Variants in MCF2L2 observed in about 807,000 individuals in gnomAD.
MCF2L2 encodes MCF.2 cell line derived transforming sequence-like 2, also known as probable guanine nucleotide exchange factor MCF2L2.
MCF2L2 carries 102 observed loss-of-function variants against 150.2 expected under a neutral mutation model. The ratio of observed to expected loss-of-function variants is 0.68; its 90% CI spans 0.58 to 0.80. The LOEUF (loss-of-function observed/expected upper bound fraction) is 0.80, where lower values mean the gene tolerates loss of function less well. MCF2L2 is among the 30% of genes least tolerant of loss of function. The probability of loss-of-function intolerance (pLI) is 0.00; values close to 1 mark genes in which losing one functional copy is unlikely to be tolerated. For synonymous variants in MCF2L2, 465 were observed against 491.3 expected, an observed-to-expected ratio of 0.95 and a Z score of 0.71; for missense variants, 1,256 against 1,372.8, an observed-to-expected ratio of 0.91 and a Z score of 1.34.
At chr3:183,303,910 G>C (rs1036949275) in intron 10 of MCF2L2, among the ~76,000 whole-genome samples, 4 of 152,236 alleles carry the variant, frequency 2.6e-5, no homozygotes, top group Admixed American at 1.3e-4. Flanking sequence ...GGGTGTGCCT[G>C]ACTTACCAAG....
chr3:183,298,081 G>A (rs776929974), intron 11 of MCF2L2: 11 of 152,314 alleles, frequency 7.2e-5, no homozygotes, highest in Middle Eastern at 3.4e-3. Context: ...TCTTTCGTAA[G>A]GAAGCAAGAA....
intron 5 of MCF2L2, among the ~76,000 whole-genome samples, chr3:183,327,623 C>A (rs74391163): frequency 1.3e-5 from 2 of 152,178 alleles, no homozygotes; most frequent in African/African-American, 4.8e-5. Context: ...TGAATAAGCA[C>A]GTAGTTTACT....
chr3:183,280,121 ACCT>A (rs1015568240), intron 14 of MCF2L2, among the ~76,000 whole-genome samples: 2 of 150,706 alleles, frequency 1.3e-5, no homozygotes, highest in African/African-American at 4.9e-5. Context: ...CACCCCACAA[ACCT>A]CCACCTCCCC....
Position 183,338,892 on chromosome 3 carries a change from T to C in MCF2L2, c.394A>G (p.Ile132Val). ...AAGCGAGATGGACGAAGGATGAATA[T>C]GAGCTGTAAGTTTCCTGGAAATGCC... ...AVAFPGNLQL[I>V]FILRPSRFIQ... is the part of the protein sequence containing the mutation. The change falls in exon 5 of 30, where the codon ATA (isoleucine) becomes GTA (valine). Residue 132 changes from isoleucine to valine, a missense_variant. By Grantham distance (29) the Ile-to-Val change is conservative (BLOSUM62 3). Coordinates refer to ENST00000328913, the MANE Select transcript of MCF2L2 (RefSeq NM_015078.4). The C allele has an allele frequency of 6.2e-7, 1 of 1,604,416 alleles. No individual in the cohort carries two copies. The highest frequency in any genetic ancestry group is 8.5e-7 in the Non-Finnish European group (1 of 1,172,956).
chr3:183,270,589 T>G lies in MCF2L2; in HGVS notation c.1862+6283A>C. On this transcript the variant is annotated intron_variant, in intron 15 of 29. Coordinates refer to ENST00000328913, the MANE Select transcript of MCF2L2 (RefSeq NM_015078.4). This position sits in a 1 kb window ranked among gnomAD's most constrained non-coding sequence, Gnocchi z 4.5. ...GCTGCCTATGTAATCTCCGGTGATG[T>G]AGCTGCCAAAGTCTATGAGGCATCA... 1 of 1,614,198 alleles carries G rather than the reference T, an allele frequency of 6.2e-7. No individual in the cohort carries two copies. Among genetic ancestry groups the G allele is most frequent in the Non-Finnish European group, 8.5e-7 (1 of 1,180,034 alleles).
At chr3:183,343,633 T>G (rs1284588517) in intron 3 of MCF2L2, among the ~76,000 whole-genome samples, 4 of 152,082 alleles carry the variant, frequency 2.6e-5, no homozygotes, top group Admixed American at 2.6e-4. Context: ...ATCCCCAAAG[T>G]GCAGGGATTA....
chr3:183,342,043 T>A (rs1442965790), intron 3 of MCF2L2, among the ~76,000 whole-genome samples: 1 of 152,150 alleles, frequency 6.6e-6, no homozygotes, highest in Non-Finnish European at 1.5e-5. Flanking sequence ...TCTAGAGCAG[T>A]CTGAGAGGGA....
chr3:183,380,119 C>G (rs1198223844), intron 2 of MCF2L2, among the ~76,000 whole-genome samples: 2 of 152,028 alleles, frequency 1.3e-5, no homozygotes, highest in Non-Finnish European at 2.9e-5. Context: ...TTAAGATATC[C>G]CTGTGAAAGT....
At chr3:183,393,527 G>C (rs968062823) in intron 1 of MCF2L2, among the ~76,000 whole-genome samples, 16 of 152,262 alleles carry the variant, frequency 1.1e-4, no homozygotes, top group African/African-American at 3.9e-4. Context: ...ACAAGGCAAA[G>C]GGAAGTGATA....
intron 15 of MCF2L2, among the ~76,000 whole-genome samples, chr3:183,257,169 T>G (rs1258570091): frequency 6.6e-6 from 1 of 152,228 alleles, no homozygotes; most frequent in Non-Finnish European, 1.5e-5. Flanking sequence ...GGACTGACAT[T>G]GTCAACAAGT....
intron 6 of MCF2L2, among the ~76,000 whole-genome samples, chr3:183,320,549 C>A (rs1560020180): frequency 2.6e-5 from 4 of 152,202 alleles, no homozygotes. Flanking sequence ...TCTTCTGCAG[C>A]TTCTTCATCT....
chr3:183,193,236 T>C, intron 26 of MCF2L2, 140 bp from the exon 27 acceptor site: 1 of 671,784 alleles, frequency 1.5e-6, no homozygotes, highest in Non-Finnish European at 2.7e-6. Flanking sequence ...CCCTCACCTG[T>C]AGTTGAAGAC....
At chr3:183,290,636 C>T (rs540219900) in intron 13 of MCF2L2, among the ~76,000 whole-genome samples, 2 of 151,984 alleles carry the variant, frequency 1.3e-5, no homozygotes, top group Admixed American at 6.6e-5. Context: ...CAGGTTCAAG[C>T]GATTCTTCTG....
At chr3:183,410,802 G>A (rs560332406) in intron 1 of MCF2L2, among the ~76,000 whole-genome samples, 3 of 152,304 alleles carry the variant, frequency 2.0e-5, no homozygotes, top group African/African-American at 7.2e-5. Context: ...TCTTCCCCAA[G>A]GACTTCTACC....
chr3:183,389,651 A>AC lies in MCF2L2; in HGVS notation c.160+44dup, dbSNP rs373935373. On this transcript the variant is annotated intron_variant, in intron 2 of 29. Transcript: ENST00000328913. ...CAAGAGGCTGGACCTTCCCATCAAGACCCCCCCATCAAAATCTGGAAATGC... is the reference window on the plus strand; with the variant it reads ...CAAGAGGCTGGACCTTCCCATCAAGACCCCCCCCATCAAAATCTGGAAATGC... The AC allele has an allele frequency of 2.8e-5, 43 of 1,510,256 alleles. No homozygotes were observed. In the East Asian group the frequency reaches 3.8e-4, roughly 13 times the overall value. The allele number at this position is 1,510,256 out of a possible 1,614,324, so 93.6% of individuals were successfully genotyped here. A position where few individuals can be genotyped will look rare whatever the true frequency, so the allele number is the denominator to read the frequency against.
chr3:183,370,128 G>A lies in MCF2L2; in HGVS notation c.275+9169C>T, dbSNP rs537346224. 2.0e-3 allele frequency among the ~76,000 whole-genome samples: 303 copies of A among 152,328 alleles called. 4 individuals carry two copies. Among genetic ancestry groups the A allele is most frequent in the Non-Finnish European group, 3.2e-3 (220 of 68,034 alleles). ...CCCGGTGAAACCCCCTCTCCAAGCCGAAGATAGTTTAAAGCCTGAAAGCCA... is the reference window on the plus strand; with the variant it reads ...CCCGGTGAAACCCCCTCTCCAAGCCAAAGATAGTTTAAAGCCTGAAAGCCA... On this transcript the variant is annotated intron_variant, in intron 3 of 29. Transcript: ENST00000328913.
rs759702593 is a variant in MCF2L2, at chr3:183,216,028, C to T, written c.2437G>A (p.Glu813Lys). ...TELQQALAVI[E>K]DLIKSCELAV... ...AACTCACAGGACTTGATCAAATCCT[C>T]TATCACTGCCAAAGCTTGTTGTAGT... Residue 813 changes from glutamate (E) to lysine (K), a missense_variant, in exon 22 of 30, where the codon GAG becomes AAG. Glu to Lys is a moderately conservative substitution (Grantham distance 56). Coordinates refer to ENST00000328913, the MANE Select transcript of MCF2L2 (RefSeq NM_015078.4). 6.2e-6 allele frequency: 10 copies of T among 1,613,978 alleles called. No individual in the cohort carries two copies. The African/African-American group carries it at 1.3e-4, about 22-fold the overall frequency.
chr3:183,379,332 G>C lies in MCF2L2; in HGVS notation c.240C>G (p.Phe80Leu). Residue 80 changes from phenylalanine (F) to leucine (L), a missense_variant, in exon 3 of 30, where the codon TTC becomes TTG. By Grantham distance (22) the Phe-to-Leu change is conservative. Coordinates refer to ENST00000328913, the MANE Select transcript of MCF2L2 (RefSeq NM_015078.4). ...TAGTCAGGTAGGTCATGACATTCAGGAAGTCTTCATCTGGGATGTGTTTGA... is the reference window on the plus strand; with the variant it reads ...TAGTCAGGTAGGTCATGACATTCAGCAAGTCTTCATCTGGGATGTGTTTGA... ...SGFKHIPDED[F>L]LNVMTYLTSI... is the part of the protein sequence containing the mutation. 1 of 1,611,192 alleles carries C rather than the reference G, an allele frequency of 6.2e-7. No individual in the cohort carries two copies. The highest frequency in any genetic ancestry group is 8.5e-7 in the Non-Finnish European group (1 of 1,178,812).
At chr3:183,337,257 A>T (rs1017510324) in intron 5 of MCF2L2, among the ~76,000 whole-genome samples, 6 of 152,118 alleles carry the variant, frequency 3.9e-5, no homozygotes, top group African/African-American at 1.4e-4. Flanking sequence ...GGTTAGGTGT[A>T]TGTTTAAAGA....
Sources: gnomAD v4.1 joint callset for allele counts (sites outside exome capture counted in the v4.1 genomes callset) on GRCh38, gnomAD v4.1.1 for gene constraint, Gnocchi (gnomAD v3.1) non-coding constraint, MANE v1.5 for transcripts, NCBI Gene and HGNC (gene_info 2026-07-23, HGNC 2026-07-21) for gene names.